The following ANKRD6 variants were observed in gnomAD, a reference collection of about 807,000 sequenced individuals.
ANKRD6 encodes ankyrin repeat domain-containing protein 6.
ANKRD6 carries 56 observed loss-of-function variants against 82.3 expected under a neutral mutation model. The ratio of observed to expected loss-of-function variants is 0.68; its 90% confidence interval spans 0.55 to 0.85. ANKRD6 has a LOEUF of 0.85. Ranked by LOEUF, ANKRD6 falls within the 40% of genes least tolerant of loss-of-function variation. ANKRD6 has a pLI of 0.00. For missense variants in ANKRD6, 852 were observed against 907.6 expected (o/e 0.94, Z 0.79); for synonymous variants, 347 against 352.1 (o/e 0.99, Z 0.16).
chr6:89,546,471 CGAT>C (rs1785111810), intron 1 of ANKRD6, among the ~76,000 whole-genome samples: 1 of 134,676 alleles, frequency 7.4e-6, no homozygotes, highest in African/African-American at 2.8e-5. Flanking sequence ...ATCGATTGAT[CGAT>C]TGATTTTGAG....
At chr6:89,542,202 C>T (rs1468678662) in intron 1 of ANKRD6, among the ~76,000 whole-genome samples, 1 of 152,090 alleles carries the variant, frequency 6.6e-6, no homozygotes, top group Non-Finnish European at 1.5e-5. Context: ...TTTCGTGTAC[C>T]TTGGTAGTTA....
At chr6:89,548,701 A>G (rs1212387863) in intron 1 of ANKRD6, among the ~76,000 whole-genome samples, 2 of 152,196 alleles carry the variant, frequency 1.3e-5, no homozygotes, top group Non-Finnish European at 2.9e-5. Context: ...GAGAGTTCCC[A>G]CTGCTGTGAA....
chr6:89,551,465 A>G (rs1230883645), intron 1 of ANKRD6, among the ~76,000 whole-genome samples: 1 of 152,180 alleles, frequency 6.6e-6, no homozygotes, highest in Admixed American at 6.5e-5. Flanking sequence ...GAGATCCCCC[A>G]GGAAAAGGGT....
At chr6:89,571,767 C>T (rs79524363) in intron 2 of ANKRD6, among the ~76,000 whole-genome samples, 3,141 of 152,260 alleles carry the variant, frequency 0.021, 39 homozygotes, top group African/African-American at 0.043. Flanking sequence ...CCTATACTGA[C>T]GCATCATTAT....
At chr6:89,616,094 G>A (rs538578979) in intron 7 of ANKRD6, among the ~76,000 whole-genome samples, 3 of 152,224 alleles carry the variant, frequency 2.0e-5, no homozygotes, top group South Asian at 4.2e-4. Context: ...TCACCTCTCC[G>A]GTGCTTGCAG....
chr6:89,629,141 G>A lies in ANKRD6; in HGVS notation c.1515G>A (p.Trp505Ter), dbSNP rs761374099. 3.7e-6 allele frequency: 6 copies of A among 1,613,522 alleles called. No homozygotes were observed. Among genetic ancestry groups the A allele is most frequent in the South Asian group, 3.3e-5 (3 of 91,056 alleles). The change falls in exon 15 of 16, where the codon TGG becomes TGA. Residue 505 changes from tryptophan (W) to a stop codon, truncating the protein, a stop_gained. Transcript: ENST00000339746. LOFTEE classifies it high-confidence loss of function. Reference protein sequence around the residue: ...QISLVDELKTWCMLKIQNLEQ... With the variant: ...QISLVDELKT ...CCTTGGTGGATGAATTAAAAACCTG[G>A]TGCATGTTAAAGATTCAGAATCTGG... is the stretch of plus-strand genomic sequence containing the variant.
At chr6:89,614,025 G>C in intron 7 of ANKRD6, 135 bp downstream of exon 7, 1 of 790,928 alleles carries the variant, frequency 1.3e-6, no homozygotes, top group Admixed American at 2.8e-5. Context: ...CCAGCAGTGG[G>C]CTTTGCATGG....
Position 89,632,909 on chromosome 6 carries a change from C to T in ANKRD6, c.*1905C>T, listed in dbSNP as rs1424914814. On this transcript the variant is annotated 3_prime_UTR_variant, in exon 16 of 16. Transcript: ENST00000339746. ...TACTCAAGAAATTAAATCCTGAGTT[C>T]AGTAGGCTGTGTTCCAAGCAGGAAT... 6.6e-6 allele frequency: 1 copy of T among 152,202 alleles called. No homozygotes were observed. The highest frequency in any genetic ancestry group is 1.5e-5 in the Non-Finnish European group (1 of 68,038). The allele number at this position is 152,202 out of a possible 1,614,324, so 9.4% of individuals were successfully genotyped here.
At chr6:89,609,618 T>TTTTG (rs576674231) in intron 5 of ANKRD6, among the ~76,000 whole-genome samples, 88 of 151,422 alleles carry the variant, frequency 5.8e-4, no homozygotes, top group Middle Eastern at 6.8e-3. Flanking sequence ...CACCACGTTT[T>TTTTG]TTTGTTTGTT....
rs141300166 is a variant in ANKRD6, at chr6:89,567,683, G to A, written c.120+587G>A. Among the ~76,000 whole-genome samples, 34 of 152,360 alleles carry A rather than the reference G, an allele frequency of 2.2e-4. No homozygotes were observed. The East Asian group carries it at 2.7e-3, about 12-fold the overall frequency. On this transcript the variant is annotated intron_variant, in intron 2 of 15. Coordinates refer to ENST00000339746, the MANE Select transcript of ANKRD6 (RefSeq NM_001242809.2). ...AAAGCCAAGAAAAGGCAGGCTCCGC[G>A]CAGCTAGAGGGAGAGTTTAAATACA...
At position 89,630,829 on chromosome 6, in the gene ANKRD6, A is replaced by AT. The variant is rs751514998; in HGVS notation, c.2016dup (p.Glu673Ter). The AT allele has an allele frequency of 1.2e-6, 2 of 1,613,926 alleles. No individual in the cohort carries two copies. Among genetic ancestry groups the AT allele is most frequent in the Non-Finnish European group, 1.7e-6 (2 of 1,179,886 alleles). On this transcript the variant is annotated frameshift_variant, in exon 16 of 16. Transcript: ENST00000339746. LOFTEE classifies it high-confidence loss of function. ...TCCCAAGCTCTGGAGCTTACCCAGTATTTTTTTGAGGCTGTTTCTACCCAG... is the reference window on the plus strand; with the variant it reads ...TCCCAAGCTCTGGAGCTTACCCAGTATTTTTTTTGAGGCTGTTTCTACCCAG...
rs71556522 is a variant in ANKRD6 at position 89,441,620 on chromosome 6, C to CTTTTT, written c.-144+8268_-144+8272dup. Among the ~76,000 whole-genome samples the CTTTTT allele has an allele frequency of 7.8e-4, 63 of 80,462 alleles. 6 individuals are homozygous for CTTTTT. Among genetic ancestry groups the CTTTTT allele is most frequent in the East Asian group, 3.3e-3 (8 of 2,418 alleles). 52.8% of individuals were successfully genotyped at this position (80,462 alleles called of 152,430 possible). On this transcript the variant is annotated intron_variant, in intron 1 of 15. Transcript: ENST00000339746. ...CATAGCCTTGGTTTTCTTTTCTTTC[C>CTTTTT]TTTTTTTTTTTTTTTTTTTTTTTTT...
intron 2 of ANKRD6, among the ~76,000 whole-genome samples, chr6:89,568,496 A>G (rs1251899667): frequency 6.6e-6 from 1 of 152,200 alleles, no homozygotes; most frequent in African/African-American, 2.4e-5. Context: ...TAATTGTACA[A>G]TTCAATAATT....
chr6:89,623,436 CAG>C lies in ANKRD6; in HGVS notation c.925_926del (p.Ser309GlnfsTer2). The C allele has an allele frequency of 6.2e-7, 1 of 1,611,902 alleles. No individual in the cohort carries two copies. The highest frequency in any genetic ancestry group is 1.7e-4 in the Middle Eastern group (1 of 6,060). The part of the protein sequence containing the change: ...KGSVSAGDTP[S>X]SEQAVARKEE... ...GCAGTGTCTCAGCAGGAGACACCCC[CAG>C]CAGTGAACAGGCTGTGGCCAGAAAA... On this transcript the variant is annotated frameshift_variant, in exon 11 of 16. Coordinates refer to ENST00000339746, the MANE Select transcript of ANKRD6 (RefSeq NM_001242809.2). LOFTEE classifies it high-confidence loss of function.
At chr6:89,550,443 G>A (rs531290052) in intron 1 of ANKRD6, among the ~76,000 whole-genome samples, 1 of 152,242 alleles carries the variant, frequency 6.6e-6, no homozygotes, top group Non-Finnish European at 1.5e-5. Context: ...TATATCCTGT[G>A]TAGTTCCGTC....
At chr6:89,626,908 A>G (rs1456192627) in intron 13 of ANKRD6, among the ~76,000 whole-genome samples, 2 of 152,246 alleles carry the variant, frequency 1.3e-5, no homozygotes, top group African/African-American at 4.8e-5. Flanking sequence ...ATATTTGCTC[A>G]CTGCAAGAGC....
chr6:89,597,487 G>A (rs1796167266), intron 3 of ANKRD6, among the ~76,000 whole-genome samples: 1 of 152,318 alleles, frequency 6.6e-6, no homozygotes, highest in Middle Eastern at 3.4e-3. Context: ...TGCCAGGCAT[G>A]CTAACCCATT....
At chr6:89,530,970 G>C (rs1218555589) in intron 1 of ANKRD6, among the ~76,000 whole-genome samples, 1 of 152,216 alleles carries the variant, frequency 6.6e-6, no homozygotes, top group African/African-American at 2.4e-5. Flanking sequence ...AGTCTGTTGG[G>C]TTTGTTTTCA....
In ANKRD6 at chr6:89,463,437, A is replaced by G. The variant is rs573241159; in HGVS notation, c.-144+30062A>G. 3.7e-4 allele frequency among the ~76,000 whole-genome samples: 57 copies of G among 152,340 alleles called. No homozygotes were observed. The South Asian group carries it at 0.011, about 30-fold the overall frequency. On this transcript the variant is annotated intron_variant, in intron 1 of 15. Transcript: ENST00000339746. ...TACTCTATCCAATTAATTCCTAAAG[A>G]TGAATTACCAAAAATTAAAGTACTG...
Sources: allele counts gnomAD v4.1 joint callset (sites outside exome capture counted in the v4.1 genomes callset), GRCh38; gene constraint gnomAD v4.1.1; transcripts MANE v1.5; gene names NCBI Gene and HGNC (gene_info 2026-07-23, HGNC 2026-07-21).